The following SAMTOR variants were observed in gnomAD, a reference collection of about 807,000 sequenced individuals.
SAMTOR encodes S-adenosylmethionine sensor upstream of mTORC1, also known as UPF0532 protein C7orf60.
At chr7:112,923,017 C>A in the SAMTOR span, among the ~76,000 whole-genome samples, 1 of 151,886 alleles carries the variant, frequency 6.6e-6, no homozygotes, top group Non-Finnish European at 1.5e-5. Flanking sequence ...ATGACAATAG[C>A]GGTTTTGTGG....
the SAMTOR span, among the ~76,000 whole-genome samples, chr7:112,834,383 T>C: frequency 1.4e-5 from 2 of 147,042 alleles, no homozygotes; most frequent in African/African-American, 4.9e-5. Flanking sequence ...TACACTTTAC[T>C]TTTTTTTTTT....
At chr7:112,884,438 G>A in the SAMTOR span, among the ~76,000 whole-genome samples, 1 of 152,176 alleles carries the variant, frequency 6.6e-6, no homozygotes, top group Non-Finnish European at 1.5e-5. Context: ...ATGCAAGTTA[G>A]TTACTTCCTA....
chr7:112,876,545 C>G, the SAMTOR span, among the ~76,000 whole-genome samples: 1 of 152,132 alleles, frequency 6.6e-6, no homozygotes, highest in Non-Finnish European at 1.5e-5. Context: ...GGTATTACAA[C>G]TCCGTAAAAT....
the SAMTOR span, among the ~76,000 whole-genome samples, chr7:112,851,515 A>G: frequency 2.0e-5 from 3 of 152,088 alleles, no homozygotes; most frequent in African/African-American, 7.2e-5. Flanking sequence ...CACTGAACTC[A>G]TATCTCTTGC....
At chr7:112,853,803 G>A in the SAMTOR span, among the ~76,000 whole-genome samples, 2 of 152,014 alleles carry the variant, frequency 1.3e-5, no homozygotes, top group African/African-American at 4.8e-5. Flanking sequence ...TCCATAAAAG[G>A]TTTCTTCTGA....
At chr7:112,915,557 T>A in the SAMTOR span, 1 of 798,570 alleles carries the variant, frequency 1.3e-6, no homozygotes, top group South Asian at 4.5e-5. Flanking sequence ...AGCAAAATTA[T>A]AAAGTAAAAC....
the SAMTOR span, among the ~76,000 whole-genome samples, chr7:112,922,189 C>T: frequency 1.5e-4 from 23 of 152,210 alleles, no homozygotes; most frequent in Admixed American, 3.9e-4. Flanking sequence ...AGCTCCTAAC[C>T]GCGAGTGATC....
the SAMTOR span, among the ~76,000 whole-genome samples, chr7:112,825,792 T>C: frequency 7.2e-5 from 11 of 152,232 alleles, no homozygotes; most frequent in East Asian, 2.1e-3. Context: ...TTAAGGATGA[T>C]GTTAGCTGGA....
chr7:112,903,119 G>A, the SAMTOR span, among the ~76,000 whole-genome samples: 30 of 152,162 alleles, frequency 2.0e-4, no homozygotes, highest in East Asian at 3.9e-4. Flanking sequence ...TTCAAGACCC[G>A]CCTGACCAAC....
the SAMTOR span, among the ~76,000 whole-genome samples, chr7:112,850,795 T>A: frequency 6.6e-6 from 1 of 152,154 alleles, no homozygotes; most frequent in South Asian, 2.1e-4. Flanking sequence ...GTGAATCACC[T>A]TTTTTCCCTC....
At chr7:112,879,009 AG>A in the SAMTOR span, among the ~76,000 whole-genome samples, 1 of 152,026 alleles carries the variant, frequency 6.6e-6, no homozygotes, top group Non-Finnish European at 1.5e-5. Flanking sequence ...AAACAGCGGA[AG>A]GGGTCAAAAA....
the SAMTOR span, among the ~76,000 whole-genome samples, chr7:112,847,778 C>CAAAAAAAAAAAAAAAAAAG: frequency 1.3e-5 from 2 of 151,372 alleles, no homozygotes; most frequent in African/African-American, 4.9e-5. Flanking sequence ...AACTCTGTCT[C>CAAAAAAAAAAAAAAAAAAG]AAAAGAAAAG....
At chr7:112,843,191 C>T in the SAMTOR span, among the ~76,000 whole-genome samples, 2 of 151,976 alleles carry the variant, frequency 1.3e-5, no homozygotes, top group African/African-American at 4.8e-5. Flanking sequence ...CCCCTTTAAG[C>T]AGTCTAAAGA....
At chr7:112,895,665 G>A in the SAMTOR span, 1 of 1,592,732 alleles carries the variant, frequency 6.3e-7, no homozygotes, top group Admixed American at 1.7e-5. Flanking sequence ...GGTCTTAGTG[G>A]CAAGTACAGC....
At chr7:112,912,936 T>G in the SAMTOR span, among the ~76,000 whole-genome samples, 5 of 152,190 alleles carry the variant, frequency 3.3e-5, no homozygotes. Context: ...GAGATACAGT[T>G]TGAGGGCCTG....
the SAMTOR span, among the ~76,000 whole-genome samples, chr7:112,854,838 A>C: frequency 6.6e-6 from 1 of 152,216 alleles, no homozygotes; most frequent in Non-Finnish European, 1.5e-5. Flanking sequence ...TATCTGGAAA[A>C]AACAAAAGGA....
At chr7:112,893,721 G>A in the SAMTOR span, among the ~76,000 whole-genome samples, 1 of 152,270 alleles carries the variant, frequency 6.6e-6, no homozygotes, top group Non-Finnish European at 1.5e-5. Context: ...GGCCAACATG[G>A]TGAAACCCCG....
the SAMTOR span, among the ~76,000 whole-genome samples, chr7:112,883,144 T>G: frequency 6.6e-6 from 1 of 152,214 alleles, no homozygotes; most frequent in African/African-American, 2.4e-5. Context: ...GTAAGACTCT[T>G]GGATTGGCAG....
chr7:112,914,690 A>G, the SAMTOR span, among the ~76,000 whole-genome samples: 1 of 152,202 alleles, frequency 6.6e-6, no homozygotes, highest in Admixed American at 6.5e-5. Context: ...TTTTTATACC[A>G]TAATTTATTA....
Sources: allele counts gnomAD v4.1 joint callset (sites outside exome capture counted in the v4.1 genomes callset), GRCh38; gene constraint gnomAD v4.1.1; transcripts MANE v1.5; gene names NCBI Gene and HGNC (gene_info 2026-07-23, HGNC 2026-07-21).